Variants in HADHB observed in about 807,000 individuals in gnomAD.
HADHB encodes the protein hydroxyacyl-CoA dehydrogenase trifunctional multienzyme complex subunit beta.
In HADHB, 50 loss-of-function variants were observed where a neutral mutation model predicts 61.9. The observed-to-expected ratio is 0.81, with a 90% CI of 0.64 to 1.02. The LOEUF is 1.02. Among genes scored for constraint, HADHB ranks in the 50% least tolerant of loss-of-function variants. HADHB has a pLI of 0.00. For synonymous variants in HADHB, 191 were observed against 201.6 expected (o/e 0.95, Z 0.45); for missense variants, 504 against 586.5 (o/e 0.86, Z 1.45).
At chr2:26,253,897 T>A (rs1220764386) in intron 1 of HADHB, among the ~76,000 whole-genome samples, 3 of 150,100 alleles carry the variant, frequency 2.0e-5, no homozygotes, top group Non-Finnish European at 4.4e-5. Flanking sequence ...AATAAATAAA[T>A]AAATAAAAAT....
At chr2:26,254,846 T>C in intron 3 of HADHB, 1 of 235,050 alleles carries the variant, frequency 4.3e-6, no homozygotes, top group South Asian at 6.1e-5. Context: ...AAATTTGCAA[T>C]TTGTGAAATG....
intron 4 of HADHB, among the ~76,000 whole-genome samples, chr2:26,264,553 C>A (rs373270965): frequency 0.01 from 763 of 73,468 alleles, no homozygotes; most frequent in East Asian, 0.053. Context: ...GACTCCATCT[C>A]AAAAAAAAAA....
At chr2:26,254,619 TA>T in intron 3 of HADHB, 145 bp downstream of exon 3, 1 of 640,304 alleles carries the variant, frequency 1.6e-6, no homozygotes, top group South Asian at 1.8e-5. Context: ...GCCTTCAAAT[TA>T]AAAAATTATA....
At chr2:26,288,208 T>C (rs1673120315) in intron 15 of HADHB, among the ~76,000 whole-genome samples, 1 of 152,158 alleles carries the variant, frequency 6.6e-6, no homozygotes, top group African/African-American at 2.4e-5. Flanking sequence ...GAGGCTGTAG[T>C]GCGCTGTATT....
chr2:26,272,976 A>G (rs1204758983), intron 5 of HADHB, among the ~76,000 whole-genome samples: 1 of 151,956 alleles, frequency 6.6e-6, no homozygotes, highest in African/African-American at 2.4e-5. Context: ...CCAGCTACTC[A>G]GGAGGCTGAG....
intron 3 of HADHB, chr2:26,261,554 C>G (rs1488441819): frequency 6.5e-6 from 1 of 153,672 alleles, no homozygotes; most frequent in Admixed American, 6.4e-5. Context: ...GCTGGCGGAT[C>G]ACTTGAGGTC....
rs540213260 is a variant in HADHB at position 26,278,548 on chromosome 2, C to G, written c.443-66C>G. ...GTCATTCAGCTTTTTAATCAAGAAG[C>G]TTAAATTGGAATGGTATGTTATTTT... On this transcript the variant is annotated intron_variant, in intron 7 of 15. Coordinates refer to ENST00000317799, the MANE Select transcript of HADHB (RefSeq NM_000183.3). The G allele has an allele frequency of 9.1e-6, 12 of 1,325,406 alleles. No homozygotes were observed. In the East Asian group the frequency reaches 2.3e-4, roughly 25 times the overall value. 82.1% of individuals were successfully genotyped at this position (1,325,406 alleles called of 1,614,324 possible).
intron 3 of HADHB, among the ~76,000 whole-genome samples, chr2:26,259,324 A>G (rs1325033615): frequency 6.6e-6 from 1 of 152,188 alleles, no homozygotes; most frequent in African/African-American, 2.4e-5. Context: ...CAGCCCTGAG[A>G]AGCTGGAGCT....
chr2:26,273,802 G>C (rs988675367), intron 6 of HADHB, 52 bp downstream of exon 6: 1 of 910,484 alleles, frequency 1.1e-6, no homozygotes, highest in East Asian at 2.4e-5. Flanking sequence ...GAATCACTTT[G>C]AATTTCAATT....
At chr2:26,283,476 A>G (rs1264506410) in intron 12 of HADHB, among the ~76,000 whole-genome samples, 1 of 152,224 alleles carries the variant, frequency 6.6e-6, no homozygotes, top group Non-Finnish European at 1.5e-5. Context: ...GTGAGCCAAG[A>G]TCACGCCACT....
chr2:26,255,228 G>A (rs542816046), intron 3 of HADHB, among the ~76,000 whole-genome samples: 40 of 152,188 alleles, frequency 2.6e-4, no homozygotes, highest in African/African-American at 8.9e-4. Flanking sequence ...GGCTGGGTGC[G>A]GGGGCTCACG....
Position 26,282,646 on chromosome 2 carries a change from C to T in HADHB, c.934-199C>T, listed in dbSNP as rs532634485. ...ATACTTTTGAACAGCCTTCTCTACC[C>T]TCATCCTCCAAAAATGAGTCAGCGT... On this transcript the variant is annotated intron_variant, in intron 10 of 15. Coordinates refer to ENST00000317799, the MANE Select transcript of HADHB (RefSeq NM_000183.3). Among the ~76,000 whole-genome samples, 3 of 152,270 alleles carry T rather than the reference C, an allele frequency of 2.0e-5. No homozygotes were observed. The East Asian group carries it at 5.8e-4, about 29-fold the overall frequency.
rs1319803633 is a variant in HADHB at position 26,279,164 on chromosome 2, T to C, written c.660T>C (p.Ser220=). The change falls in exon 9 of 16, where the codon AGT becomes AGC. Residue 220 remains serine (S), a synonymous_variant. Coordinates refer to ENST00000317799, the MANE Select transcript of HADHB (RefSeq NM_000183.3). The part of the protein sequence containing the change: ...ELPAVSEFST[S]ETMGHSADRL... ...CTGCGGTTTCTGAGTTCTCCACCAG[T>C]GAGACCATGGGCCACTCTGCAGACC... is the stretch of plus-strand genomic sequence containing the variant. The C allele has an allele frequency of 2.2e-5, 36 of 1,613,960 alleles. No homozygotes were observed. Among genetic ancestry groups the C allele is most frequent in the Non-Finnish European group, 3.1e-5 (36 of 1,179,828 alleles).
At position 26,248,917 on chromosome 2, in the gene HADHB, C is replaced by T. The variant is rs560960526; in HGVS notation, c.-9+3927C>T. On this transcript the variant is annotated intron_variant, in intron 1 of 15. Transcript: ENST00000317799. ...GCTAAAAATACAAAAATTAGACAGG[C>T]GTGGTGGCACGTGCCTGGAGTCTCA... Among the ~76,000 whole-genome samples, 11 of 152,092 alleles carry T rather than the reference C, an allele frequency of 7.2e-5. No homozygotes were observed. The South Asian group carries it at 2.3e-3, about 32-fold the overall frequency.
intron 6 of HADHB, among the ~76,000 whole-genome samples, chr2:26,276,393 GT>G (rs1025636042): frequency 6.6e-5 from 10 of 152,162 alleles, no homozygotes; most frequent in Non-Finnish European, 1.3e-4. Flanking sequence ...CAATTCTCCA[GT>G]TTCTTTCATT....
chr2:26,278,481 G>T, intron 7 of HADHB, 133 bp from the exon 8 acceptor site: 1 of 782,168 alleles, frequency 1.3e-6, no homozygotes, highest in Non-Finnish European at 2.2e-6. Context: ...CTTCTGAAAA[G>T]TTGAAAACTT....
At chr2:26,257,519 A>G (rs1293369166) in intron 3 of HADHB, among the ~76,000 whole-genome samples, 1 of 152,108 alleles carries the variant, frequency 6.6e-6, no homozygotes, top group Non-Finnish European at 1.5e-5. Context: ...GGGCTCAGGA[A>G]AAACCTCTGT....
In HADHB at chr2:26,272,810, A is replaced by G. The variant is rs143751391; in HGVS notation, c.255-841A>G. Among the ~76,000 whole-genome samples, 231 of 151,896 alleles carry G rather than the reference A, an allele frequency of 1.5e-3. 2 individuals carry two copies. Among genetic ancestry groups the G allele is most frequent in the African/African-American group, 5.3e-3 (221 of 41,468 alleles). On this transcript the variant is annotated intron_variant, in intron 5 of 15. Transcript: ENST00000317799. Reference sequence around the variant, plus strand: ...TTAGAAACCAAATCTGGGGCCGGGTATAGTGGCTTACACCTATAATCCCAG... The same window carrying G: ...TTAGAAACCAAATCTGGGGCCGGGTGTAGTGGCTTACACCTATAATCCCAG...
intron 1 of HADHB, among the ~76,000 whole-genome samples, chr2:26,246,266 C>T (rs1671151885): frequency 6.6e-6 from 1 of 151,960 alleles, no homozygotes; most frequent in Non-Finnish European, 1.5e-5. Context: ...GTTAAAGGTC[C>T]AGACAGTAAA....
Sources: gnomAD v4.1 joint callset for allele counts (sites outside exome capture counted in the v4.1 genomes callset) on GRCh38, gnomAD v4.1.1 for gene constraint, MANE v1.5 for transcripts, NCBI Gene and HGNC (gene_info 2026-07-23, HGNC 2026-07-21) for gene names.